Variants in GGA2 observed in about 807,000 individuals in gnomAD.
GGA2 encodes ADP-ribosylation factor-binding protein GGA2.
Under a neutral mutation model 79.5 loss-of-function variants are expected in GGA2, and 48 were observed. The ratio of observed to expected loss-of-function variants is 0.60; its 90% CI spans 0.48 to 0.77. GGA2 has a LOEUF of 0.77. Ranked by LOEUF, GGA2 falls within the 30% of genes least tolerant of loss-of-function variation. The pLI, the probability that GGA2 is intolerant of heterozygous loss-of-function variation, is 0.00. For synonymous variants in GGA2, 317 were observed against 302.0 expected, an observed-to-expected ratio of 1.05 and a Z score of -0.51; for missense variants, 770 against 774.0, an observed-to-expected ratio of 0.99 and a Z score of 0.06.
At chr16:23,499,539 T>C (rs905296877) in intron 1 of GGA2, among the ~76,000 whole-genome samples, 1 of 152,130 alleles carries the variant, frequency 6.6e-6, no homozygotes, top group Admixed American at 6.5e-5. Context: ...ATCCACAAAA[T>C]GTAAGGAGGT....
intron 1 of GGA2, among the ~76,000 whole-genome samples, chr16:23,509,877 A>G (rs1965016571): frequency 6.6e-6 from 1 of 151,622 alleles, no homozygotes; most frequent in African/African-American, 2.4e-5. Flanking sequence ...CTCAGCCCCA[A>G]ACAGACTGCA....
rs1416853739 is a variant in GGA2 at position 23,474,255 on chromosome 16, A to G, written c.1450+649T>C. On this transcript the variant is annotated intron_variant, in intron 14 of 16. Coordinates refer to ENST00000309859, the MANE Select transcript of GGA2 (RefSeq NM_015044.4). ...TGAATCCCAACCCAAATCAACGAACATTATGTGCCTAAGTAAGCCTTTTAA... is the reference window on the plus strand; with the variant it reads ...TGAATCCCAACCCAAATCAACGAACGTTATGTGCCTAAGTAAGCCTTTTAA... 2.0e-5 allele frequency among the ~76,000 whole-genome samples: 3 copies of G among 152,328 alleles called. No homozygotes were observed. The East Asian group carries it at 5.8e-4, about 29-fold the overall frequency.
rs574365600 is a variant in GGA2 at position 23,488,101 on chromosome 16, G to A, written c.579+505C>T. Among the ~76,000 whole-genome samples, 8 of 152,118 alleles carry A rather than the reference G, an allele frequency of 5.3e-5. No homozygotes were observed. The East Asian group carries it at 5.8e-4, about 11-fold the overall frequency. ...TGGTGGATGGAAAATGGATAGGGCC[G>A]GGCTCACTGGCACTGAGAAAGAGCT... On this transcript the variant is annotated intron_variant, in intron 6 of 16. Transcript: ENST00000309859.
At chr16:23,507,399 T>C (rs931152848) in intron 1 of GGA2, among the ~76,000 whole-genome samples, 3 of 152,160 alleles carry the variant, frequency 2.0e-5, no homozygotes, top group African/African-American at 7.2e-5. Flanking sequence ...AGGCCAAGAC[T>C]GGCAGATAAC....
chr16:23,477,505 A>T (rs1964589882), intron 13 of GGA2, among the ~76,000 whole-genome samples: 1 of 152,086 alleles, frequency 6.6e-6, no homozygotes, highest in South Asian at 2.1e-4. Flanking sequence ...GCACTTTGGG[A>T]GGCTGAGGCA....
At chr16:23,495,182 G>T (rs912161292) in intron 2 of GGA2, among the ~76,000 whole-genome samples, 1 of 152,116 alleles carries the variant, frequency 6.6e-6, no homozygotes, top group Admixed American at 6.5e-5. Flanking sequence ...TGTGGAAACA[G>T]AATTCAATAA....
chr16:23,478,174 G>C (rs1422238964), intron 13 of GGA2, among the ~76,000 whole-genome samples, 194 bp downstream of exon 13: 3 of 149,922 alleles, frequency 2.0e-5, no homozygotes, highest in Admixed American at 1.3e-4. Flanking sequence ...ACTCTAGCCT[G>C]GGCAACAGAG....
rs1964474988 is a variant in GGA2, at chr16:23,468,912, T to G, written c.1705A>C (p.Met569Leu). ...PLMPPAVISQ[M>L]LLLDNPHKEP... Reference sequence around the variant, plus strand: ...TTGTGTGGATTGTCAAGCAGCAGCATCTGAGATATCACAGCTGGAGGCATC... The same window carrying G: ...TTGTGTGGATTGTCAAGCAGCAGCAGCTGAGATATCACAGCTGGAGGCATC... Residue 569 changes from methionine (M) to leucine (L), a missense_variant, in exon 16 of 17, where the codon ATG becomes CTG. Physicochemically the swap from Met to Leu is conservative, Grantham distance 15. Transcript: ENST00000309859. 9.3e-6 allele frequency: 15 copies of G among 1,608,132 alleles called. No homozygotes were observed. Among genetic ancestry groups the G allele is most frequent in the Non-Finnish European group, 1.3e-5 (15 of 1,174,604 alleles).
In GGA2 at chr16:23,483,123, C is replaced by T. The variant is rs72774396; in HGVS notation, c.799-119G>A. The stretch of plus-strand genomic sequence containing the variant: ...GAGTCTGGGGCTTCAGAAGGCCTCC[C>T]AATGGTCCTGACTTAGAGACTGCAG... On this transcript the variant is annotated intron_variant, in intron 8 of 16. Transcript: ENST00000309859. The T allele has an allele frequency of 4.7e-3, 3,279 of 692,260 alleles. 21 individuals carry two copies. The highest frequency in any genetic ancestry group is 7.3e-3 in the Non-Finnish European group (2,744 of 375,996). The allele number at this position is 692,260 out of a possible 1,614,324, so 42.9% of individuals were successfully genotyped here.
At chr16:23,516,283 A>G (rs1164528194) in intron 2 of GGA2, among the ~76,000 whole-genome samples, 1 of 152,108 alleles carries the variant, frequency 6.6e-6, no homozygotes, top group Non-Finnish European at 1.5e-5. Context: ...AAGTGCTGGG[A>G]TTACAGGCAT....
rs1964707859 is a variant in GGA2, at chr16:23,486,058, T to C, written c.755A>G (p.Tyr252Cys). Reference protein sequence around the residue: ...VKVLQEMLSMYRRPGQAPPDQ... With the variant: ...VKVLQEMLSMCRRPGQAPPDQ... ...GGGCGGGGCCTGCCCTGGCCTGCGGTACATGCTCAGCATCTCCTGCAGCAC... is the reference window on the plus strand; with the variant it reads ...GGGCGGGGCCTGCCCTGGCCTGCGGCACATGCTCAGCATCTCCTGCAGCAC... Residue 252 changes from tyrosine (Y) to cysteine (C), a missense_variant, in exon 8 of 17, where the codon TAC (tyrosine) becomes TGC (cysteine). Tyr to Cys is a radical substitution (Grantham distance 194). Transcript: ENST00000309859. 6.2e-7 allele frequency: 1 copy of C among 1,614,142 alleles called. No homozygotes were observed. The highest frequency in any genetic ancestry group is 8.5e-7 in the Non-Finnish European group (1 of 1,179,964).
upstream of GGA2, among the ~76,000 whole-genome samples, chr16:23,511,251 CA>C (rs1965056532): frequency 1.4e-5 from 2 of 142,112 alleles, no homozygotes; most frequent in African/African-American, 5.3e-5. Flanking sequence ...TTCCTGGGTT[CA>C]AGCGATTCTC....
rs181620688 is a variant in GGA2 at position 23,491,838 on chromosome 16, G to A, written c.352-38C>T. 70 of 1,487,574 alleles carry A rather than the reference G, an allele frequency of 4.7e-5. No homozygotes were observed. In the African/African-American group the frequency reaches 7.6e-4, roughly 16 times the overall value. The allele number at this position is 1,487,574 out of a possible 1,614,324, so 92.1% of individuals were successfully genotyped here. ...AGGAAAGAGAATTCTAGAGCTGGAAGGGACTTGGGAGACCGACACTTTAAC... is the reference window on the plus strand; with the variant it reads ...AGGAAAGAGAATTCTAGAGCTGGAAAGGACTTGGGAGACCGACACTTTAAC... On this transcript the variant is annotated intron_variant, in intron 4 of 16. Transcript: ENST00000309859.
Position 23,465,644 on chromosome 16 carries a change from TA to T in GGA2, c.*1945del, listed in dbSNP as rs1401885928. ...GACTACGCAACAGTAACAGAGCCTA[TA>T]AAAGCTACACAGAGGCCGGGTGCGG... is the stretch of plus-strand genomic sequence containing the variant. On this transcript the variant is annotated 3_prime_UTR_variant, in exon 17 of 17. Transcript: ENST00000309859. 2 of 523,858 alleles carry T rather than the reference TA, an allele frequency of 3.8e-6. No homozygotes were observed. The highest frequency in any genetic ancestry group is 3.8e-5 in the African/African-American group (2 of 52,202). The allele number at this position is 523,858 out of a possible 1,614,324, so 32.5% of individuals were successfully genotyped here. A position where few individuals can be genotyped will look rare whatever the true frequency, so the allele number is the denominator to read the frequency against.
At chr16:23,499,269 A>T (rs1964893270) in intron 1 of GGA2, among the ~76,000 whole-genome samples, 1 of 151,188 alleles carries the variant, frequency 6.6e-6, no homozygotes, top group Non-Finnish European at 1.5e-5. Flanking sequence ...CTCAGCCTCT[A>T]GAGTAGCTAG....
chr16:23,497,370 T>A (rs577929623), intron 1 of GGA2, among the ~76,000 whole-genome samples: 1 of 152,272 alleles, frequency 6.6e-6, no homozygotes, highest in East Asian at 1.9e-4. Flanking sequence ...TTCCTCCCGC[T>A]GCGCCAACCC....
intron 1 of GGA2, among the ~76,000 whole-genome samples, chr16:23,496,404 G>A (rs946391576): frequency 1.3e-5 from 2 of 151,744 alleles, no homozygotes; most frequent in African/African-American, 2.4e-5. Context: ...CTTCACACTC[G>A]AGTTGGGATG....
chr16:23,505,351 C>T (rs975514695), intron 1 of GGA2, among the ~76,000 whole-genome samples: 1 of 152,080 alleles, frequency 6.6e-6, no homozygotes, highest in African/African-American at 2.4e-5. Flanking sequence ...TTTTTAATAG[C>T]GCAAGGCTAG....
chr16:23,508,090 T>A (rs1473068607), intron 1 of GGA2, among the ~76,000 whole-genome samples: 3 of 149,470 alleles, frequency 2.0e-5, no homozygotes, highest in Admixed American at 6.7e-5. Context: ...TGAGACAGAA[T>A]CTCGCCTTGT....
Sources: allele counts gnomAD v4.1 joint callset (sites outside exome capture counted in the v4.1 genomes callset), GRCh38; gene constraint gnomAD v4.1.1; transcripts MANE v1.5; gene names NCBI Gene and HGNC (gene_info 2026-07-23, HGNC 2026-07-21).